The following SDK1 variants were observed in gnomAD, a reference collection of about 807,000 sequenced individuals.
The protein encoded by SDK1 is sidekick cell adhesion molecule 1.
A neutral mutation model predicts 245.5 loss-of-function variants in SDK1; 157 were observed. The observed-to-expected ratio is 0.64, with a 90% CI of 0.56 to 0.73. SDK1 has a LOEUF of 0.73. SDK1 is among the 30% of genes least tolerant of loss of function. SDK1 has a pLI of 0.00. For missense variants in SDK1, 3,583 were observed against 3,002.3 expected (o/e 1.19, Z -4.52); for synonymous variants, 1,647 against 1,278.5 (o/e 1.29, Z -6.15).
At chr7:3,441,531 G>C (rs569744923) in intron 1 of SDK1, among the ~76,000 whole-genome samples, 1 of 152,256 alleles carries the variant, frequency 6.6e-6, no homozygotes, top group African/African-American at 2.4e-5. Context: ...TGTATGTGTG[G>C]ATCTATTTTT....
At chr7:3,806,040 A>T (rs1226082674) in intron 4 of SDK1, among the ~76,000 whole-genome samples, 4 of 152,130 alleles carry the variant, frequency 2.6e-5, no homozygotes, top group African/African-American at 7.2e-5. Flanking sequence ...CTGCATGATA[A>T]TGCCCTGAGG....
At chr7:3,338,878 A>C (rs1780272960) in intron 1 of SDK1, among the ~76,000 whole-genome samples, 1 of 152,232 alleles carries the variant, frequency 6.6e-6, no homozygotes, top group African/African-American at 2.4e-5. Flanking sequence ...TTATTAAAAA[A>C]TTGACATAAT....
chr7:3,530,441 G>A lies in SDK1; in HGVS notation c.299-88639G>A, dbSNP rs188385804. Among the ~76,000 whole-genome samples, 772 of 152,148 alleles carry A rather than the reference G, an allele frequency of 5.1e-3. 6 individuals carry two copies. Among genetic ancestry groups the A allele is most frequent in the South Asian group, 0.018 (87 of 4,820 alleles). On this transcript the variant is annotated intron_variant, in intron 1 of 44. Transcript: ENST00000404826. The stretch of plus-strand genomic sequence containing the variant: ...ATTACTAAAGGAAAATTTGTCTTTT[G>A]TAATGTTATTAACCTGTGCAATAAC...
At chr7:3,583,150 G>GCACA (rs953409446) in intron 1 of SDK1, among the ~76,000 whole-genome samples, 1 of 152,224 alleles carries the variant, frequency 6.6e-6, no homozygotes, top group Non-Finnish European at 1.5e-5. Context: ...GCTGGTTCCT[G>GCACA]CGTGTAGGCC....
Position 3,429,241 on chromosome 7 carries a change from A to AGAAG in SDK1, c.298+127358_298+127359insAAGG, listed in dbSNP as rs1554269971. 7.3e-5 allele frequency among the ~76,000 whole-genome samples: 11 copies of AGAAG among 151,550 alleles called. No homozygotes were observed. In the South Asian group the frequency reaches 2.3e-3, roughly 32 times the overall value. ...GAAGGCTGAGAAAAAATATGATAAAAGGCTTTTTTTAAGTGCCTCTAAAAT... is the reference window on the plus strand; with the variant it reads ...GAAGGCTGAGAAAAAATATGATAAAAGAAGGGCTTTTTTTAAGTGCCTCTAAAAT... On this transcript the variant is annotated intron_variant, in intron 1 of 44. Transcript: ENST00000404826.
At chr7:3,391,203 G>C (rs1346680336) in intron 1 of SDK1, among the ~76,000 whole-genome samples, 2 of 137,842 alleles carry the variant, frequency 1.5e-5, no homozygotes, top group East Asian at 3.9e-4. Context: ...TCTGCAATTT[G>C]TTTGTTTTCT....
intron 14 of SDK1, among the ~76,000 whole-genome samples, chr7:4,008,723 G>C (rs543318405): frequency 2.6e-5 from 4 of 152,178 alleles, no homozygotes; most frequent in South Asian, 4.2e-4. Flanking sequence ...AGGAAAAAAA[G>C]GGAAAGGGCA....
intron 4 of SDK1, among the ~76,000 whole-genome samples, chr7:3,748,500 G>A (rs544821246): frequency 6.6e-6 from 1 of 152,244 alleles, no homozygotes; most frequent in East Asian, 1.9e-4. Flanking sequence ...GTCCCTGTGA[G>A]GTCTCCTTCA....
chr7:3,735,238 T>G (rs1779286529), intron 4 of SDK1, among the ~76,000 whole-genome samples: 2 of 152,210 alleles, frequency 1.3e-5, no homozygotes, highest in African/African-American at 4.8e-5. Flanking sequence ...GTGTTAAGTA[T>G]GTTCCCATTG....
chr7:3,847,021 A>G (rs979688536), intron 5 of SDK1, among the ~76,000 whole-genome samples: 3 of 150,616 alleles, frequency 2.0e-5, no homozygotes, highest in Non-Finnish European at 4.4e-5. Flanking sequence ...CAGGTTTTCT[A>G]GTCTCTGACA....
chr7:4,032,865 T>A (rs979613737), intron 17 of SDK1, among the ~76,000 whole-genome samples: 1 of 152,222 alleles, frequency 6.6e-6, no homozygotes, highest in Non-Finnish European at 1.5e-5. Context: ...ACAGGAAGAC[T>A]CAACATCACA....
In SDK1 at chr7:4,017,097, G is replaced by A. The variant is rs117765161; in HGVS notation, c.2421-74G>A. 30,433 of 1,430,260 alleles carry A rather than the reference G, an allele frequency of 0.021. 438 individuals carry two copies. The highest frequency in any genetic ancestry group is 0.037 in the Middle Eastern group (166 of 4,440). The allele number at this position is 1,430,260 out of a possible 1,614,324, so 88.6% of individuals were successfully genotyped here. ...TACTTCCATTTCCCCCTAACCCTGCGGAATAACTGCGGGTAAACACCGTTC... is the reference window on the plus strand; with the variant it reads ...TACTTCCATTTCCCCCTAACCCTGCAGAATAACTGCGGGTAAACACCGTTC... On this transcript the variant is annotated intron_variant, in intron 16 of 44. Transcript: ENST00000404826.
chr7:3,314,022 T>C (rs963894529), intron 1 of SDK1, among the ~76,000 whole-genome samples: 1 of 152,180 alleles, frequency 6.6e-6, no homozygotes, highest in African/African-American at 2.4e-5. Context: ...TAACAGTTGC[T>C]TCCTTCAGAG....
chr7:3,632,217 G>A (rs972648132), intron 2 of SDK1, among the ~76,000 whole-genome samples: 1 of 152,172 alleles, frequency 6.6e-6, no homozygotes, highest in African/African-American at 2.4e-5. Flanking sequence ...CTAGTCATCT[G>A]TGCTTCACTA....
intron 32 of SDK1, 25 bp downstream of exon 32, chr7:4,161,881 G>T (rs145683198): frequency 1.2e-6 from 2 of 1,600,310 alleles, no homozygotes; most frequent in South Asian, 1.1e-5. Context: ...AATCACGCGC[G>T]TTTTGTCAAA....
chr7:4,161,324 C>G (rs1002430541), intron 31 of SDK1, among the ~76,000 whole-genome samples: 3 of 152,218 alleles, frequency 2.0e-5, no homozygotes, highest in African/African-American at 7.2e-5. Flanking sequence ...AAATCAATCT[C>G]CTTTCCTGAC....
intron 1 of SDK1, among the ~76,000 whole-genome samples, chr7:3,529,188 A>G (rs1046099767): frequency 1.3e-5 from 2 of 151,510 alleles, no homozygotes; most frequent in Non-Finnish European, 3.0e-5. Flanking sequence ...GGAAACATGT[A>G]TATATAGGTG....
chr7:3,919,358 T>G (rs1779505816), intron 5 of SDK1, among the ~76,000 whole-genome samples: 1 of 152,180 alleles, frequency 6.6e-6, no homozygotes, highest in African/African-American at 2.4e-5. Flanking sequence ...AAGTCAGGTG[T>G]TTGCCTCTGC....
rs1562529415 is a variant in SDK1, at chr7:3,508,330, T to TC, written c.299-110750_299-110749insC. 1.0e-4 allele frequency among the ~76,000 whole-genome samples: 15 copies of TC among 150,236 alleles called. No homozygotes were observed. The South Asian group carries it at 1.1e-3, about 11-fold the overall frequency. Reference sequence around the variant, plus strand: ...ATCATTCTTCTTCTTCTTCTTCTTTTTTTTTTTTTTTTTGAGACAGAATCT... The same window carrying TC: ...ATCATTCTTCTTCTTCTTCTTCTTTTCTTTTTTTTTTTTTGAGACAGAATCT... On this transcript the variant is annotated intron_variant, in intron 1 of 44. Transcript: ENST00000404826.
Sources: gnomAD v4.1 joint callset for allele counts (sites outside exome capture counted in the v4.1 genomes callset) on GRCh38, gnomAD v4.1.1 for gene constraint, MANE v1.5 for transcripts, NCBI Gene and HGNC (gene_info 2026-07-23, HGNC 2026-07-21) for gene names.